RBFOX1: variants seen among roughly 807,000 people sequenced by gnomAD.
RBFOX1 encodes RNA binding fox-1 homolog 1, also known as RNA binding protein fox-1 homolog 1.
In RBFOX1, 8 loss-of-function variants were observed where a neutral mutation model predicts 57.7. The ratio of observed to expected loss-of-function variants is 0.14; its 90% CI spans 0.08 to 0.25. The LOEUF (loss-of-function observed/expected upper bound fraction) is 0.25, where lower values mean the gene tolerates loss of function less well. RBFOX1 is among the 10% of genes least tolerant of loss of function. The probability of loss-of-function intolerance (pLI) is 1.00; values close to 1 mark genes in which losing one functional copy is unlikely to be tolerated. For synonymous variants in RBFOX1, 326 were observed against 222.4 expected (o/e 1.47, Z -4.15); for missense variants, 611 against 548.5 (o/e 1.11, Z -1.14).
intron 1 of RBFOX1, among the ~76,000 whole-genome samples, chr16:5,284,309 C>T (rs578050015): frequency 6.6e-6 from 1 of 152,070 alleles, no homozygotes; most frequent in East Asian, 1.9e-4. Context: ...TTCCTTTTTT[C>T]CCTCATTATT....
intron 9 of RBFOX1, among the ~76,000 whole-genome samples, chr16:7,598,870 TCACA>T (rs2094856055): frequency 6.6e-6 from 1 of 152,238 alleles, no homozygotes; most frequent in South Asian, 2.1e-4. Context: ...TGATTGTTTA[TCACA>T]ATAAAAGAAA....
chr16:7,287,852 TC>T (rs2095680996), intron 4 of RBFOX1, among the ~76,000 whole-genome samples: 1 of 152,148 alleles, frequency 6.6e-6, no homozygotes. Context: ...CATATTACCT[TC>T]CCCCACCCAT....
intron 4 of RBFOX1, among the ~76,000 whole-genome samples, chr16:5,987,661 C>T (rs1163745117): frequency 5.9e-5 from 9 of 152,106 alleles, no homozygotes. Context: ...TATCATCATT[C>T]CTATGAGTAG....
intron 3 of RBFOX1, among the ~76,000 whole-genome samples, chr16:6,891,167 A>G (rs764440493): frequency 9.9e-5 from 15 of 152,208 alleles, no homozygotes; most frequent in African/African-American, 2.7e-4. Context: ...ACAGGTGCCA[A>G]TGCATCCATT....
At chr16:5,297,251 C>G (rs933375339) in intron 1 of RBFOX1, among the ~76,000 whole-genome samples, 3 of 152,210 alleles carry the variant, frequency 2.0e-5, no homozygotes, top group African/African-American at 4.8e-5. Flanking sequence ...AGACTGACTT[C>G]AGCTTCTTCA....
chr16:5,450,794 G>A (rs191266135), intron 1 of RBFOX1, among the ~76,000 whole-genome samples: 2,072 of 152,280 alleles, frequency 0.014, 17 homozygotes, highest in Middle Eastern at 0.024. Flanking sequence ...AGCCTCGTCT[G>A]GGACCGCAGG....
intron 3 of RBFOX1, among the ~76,000 whole-genome samples, chr16:6,896,803 G>C (rs1041748946): frequency 1.3e-5 from 2 of 152,188 alleles, no homozygotes; most frequent in Admixed American, 6.5e-5. Context: ...GAGCATTTGA[G>C]ATCATAGATG....
At chr16:5,297,284 C>G (rs187738655) in intron 1 of RBFOX1, among the ~76,000 whole-genome samples, 7 of 152,322 alleles carry the variant, frequency 4.6e-5, no homozygotes, top group African/African-American at 1.7e-4. Flanking sequence ...ACTGCTGGAT[C>G]ATATGGTAGT....
intron 4 of RBFOX1, among the ~76,000 whole-genome samples, chr16:7,064,357 TG>T (rs2055394795): frequency 6.6e-6 from 1 of 151,948 alleles, no homozygotes; most frequent in African/African-American, 2.4e-5. Flanking sequence ...TTAGTAGAGA[TG>T]GGGTTTCACC....
intron 3 of RBFOX1, among the ~76,000 whole-genome samples, chr16:6,683,695 C>G (rs960270810): frequency 1.5e-4 from 23 of 152,238 alleles, no homozygotes; most frequent in African/African-American, 4.8e-4. Context: ...TCTGCACACC[C>G]TAGTCTAAGT....
At chr16:6,882,263 A>G (rs1417595096) in intron 3 of RBFOX1, among the ~76,000 whole-genome samples, 1 of 152,086 alleles carries the variant, frequency 6.6e-6, no homozygotes, top group Non-Finnish European at 1.5e-5. Flanking sequence ...GAAGGCTTGG[A>G]GAGAACAGAG....
At chr16:5,772,990 G>T (rs1001136450) in intron 3 of RBFOX1, among the ~76,000 whole-genome samples, 2 of 152,152 alleles carry the variant, frequency 1.3e-5, no homozygotes, top group African/African-American at 4.8e-5. Context: ...TGTGTTCCAG[G>T]AAGCCTTCTG....
chr16:6,844,330 A>G (rs1474790916), intron 3 of RBFOX1, among the ~76,000 whole-genome samples: 1 of 151,998 alleles, frequency 6.6e-6, no homozygotes. Context: ...TTCATTAGGT[A>G]TTCTTTCTGA....
chr16:6,154,124 A>C (rs1051069396), intron 1 of RBFOX1, among the ~76,000 whole-genome samples: 1 of 152,174 alleles, frequency 6.6e-6, no homozygotes, highest in Non-Finnish European at 1.5e-5. Context: ...CCTGCGTCAT[A>C]ATCTCACGCT....
rs77518153 is a variant in RBFOX1 at position 7,695,839 on chromosome 16, A to G, written c.996-13217A>G. Among the ~76,000 whole-genome samples, 3 of 152,228 alleles carry G rather than the reference A, an allele frequency of 2.0e-5. No individual in the cohort carries two copies. The East Asian group carries it at 5.8e-4, about 29-fold the overall frequency. The stretch of plus-strand genomic sequence containing the variant: ...TTTTTAAATGGAGAAAAAAAAATCA[A>G]CATGCTTAAAATCTCAGTGTGGGGT... On this transcript the variant is annotated intron_variant, in intron 14 of 15. Transcript: ENST00000550418.
chr16:7,244,165 A>G (rs1391667663), intron 4 of RBFOX1, among the ~76,000 whole-genome samples: 1 of 151,864 alleles, frequency 6.6e-6, no homozygotes, highest in East Asian at 1.9e-4. Flanking sequence ...CAGAGAAAAA[A>G]AATCAGAGTA....
At chr16:6,403,892 A>G (rs1207531546) in intron 2 of RBFOX1, among the ~76,000 whole-genome samples, 1 of 152,164 alleles carries the variant, frequency 6.6e-6, no homozygotes, top group African/African-American at 2.4e-5. Flanking sequence ...TCCTGATTCA[A>G]TAGGACTGGT....
At chr16:5,958,006 C>G (rs2059679574) in intron 4 of RBFOX1, among the ~76,000 whole-genome samples, 1 of 152,134 alleles carries the variant, frequency 6.6e-6, no homozygotes, top group East Asian at 1.9e-4. Context: ...TCCTTCTACT[C>G]TCTATGTCCA....
At chr16:7,683,321 C>A (rs931355855) in intron 14 of RBFOX1, among the ~76,000 whole-genome samples, 12 of 151,532 alleles carry the variant, frequency 7.9e-5, no homozygotes, top group African/African-American at 2.9e-4. Context: ...AAATCACACA[C>A]ACACAGAGAC....
Sources: gnomAD v4.1 joint callset for allele counts (sites outside exome capture counted in the v4.1 genomes callset) on GRCh38, gnomAD v4.1.1 for gene constraint, MANE v1.5 for transcripts, NCBI Gene and HGNC (gene_info 2026-07-23, HGNC 2026-07-21) for gene names.